The following LHFPL3 variants were observed in gnomAD, a reference collection of about 807,000 sequenced individuals.
LHFPL3 encodes the protein LHFPL tetraspan subfamily member 3 protein.
Under a neutral mutation model 19.3 loss-of-function variants are expected in LHFPL3, and 5 were observed. The observed-to-expected ratio is 0.26, with a 90% CI of 0.14 to 0.54. LHFPL3 has a LOEUF of 0.54. Ranked by LOEUF, LHFPL3 falls within the 20% of genes least tolerant of loss-of-function variation. LHFPL3 has a pLI of 0.94. For missense variants in LHFPL3, 249 were observed against 307.4 expected, an observed-to-expected ratio of 0.81 and a Z score of 1.42; for synonymous variants, 133 against 126.2, an observed-to-expected ratio of 1.05 and a Z score of -0.36.
intron 2 of LHFPL3, among the ~76,000 whole-genome samples, chr7:104,856,299 G>A (rs1791505630): frequency 7.0e-6 from 1 of 143,270 alleles, no homozygotes; most frequent in Non-Finnish European, 1.5e-5. Context: ...CACACAGGCT[G>A]GAGAGCAGTG....
intron 2 of LHFPL3, chr7:104,785,389 A>G (rs554967415): frequency 6.6e-6 from 1 of 152,238 alleles, no homozygotes; most frequent in Admixed American, 6.5e-5. Context: ...CTTAGTAGGC[A>G]CTCAATAAAC....
Position 104,329,282 on chromosome 7 carries a change from G to A in LHFPL3, c.445+58G>A. ...GACCCCGGGGCGCCCGAGCCGGGGA[G>A]GGGCCAGAGTGGGAGGGACGGGGGC... On this transcript the variant is annotated intron_variant, in intron 1 of 2. Transcript: ENST00000424859. The A allele has an allele frequency of 1.9e-6, 3 of 1,539,304 alleles. No homozygotes were observed. The East Asian group carries it at 6.8e-5, about 35-fold the overall frequency.
At chr7:104,426,755 G>A (rs1346610576) in intron 1 of LHFPL3, among the ~76,000 whole-genome samples, 1 of 151,888 alleles carries the variant, frequency 6.6e-6, no homozygotes, top group African/African-American at 2.4e-5. Context: ...TTCTTCTTTG[G>A]ACCAACCTCC....
At chr7:104,439,652 T>A (rs923256294) in intron 1 of LHFPL3, among the ~76,000 whole-genome samples, 3 of 152,142 alleles carry the variant, frequency 2.0e-5, no homozygotes, top group East Asian at 1.9e-4. Flanking sequence ...TTCATAATTT[T>A]AAAAAAATGT....
intron 1 of LHFPL3, among the ~76,000 whole-genome samples, chr7:104,725,095 T>C (rs1465670695): frequency 6.6e-6 from 1 of 152,254 alleles, no homozygotes; most frequent in Non-Finnish European, 1.5e-5. Context: ...AAATTTCATT[T>C]AGAAAGTCAT....
At chr7:104,515,444 C>G (rs1418126589) in intron 1 of LHFPL3, among the ~76,000 whole-genome samples, 1 of 152,126 alleles carries the variant, frequency 6.6e-6, no homozygotes, top group Non-Finnish European at 1.5e-5. Context: ...TGCCCCTGTT[C>G]AAAGAACTAA....
chr7:104,563,370 G>A (rs1790053370), intron 1 of LHFPL3, among the ~76,000 whole-genome samples: 1 of 152,310 alleles, frequency 6.6e-6, no homozygotes, highest in Admixed American at 6.5e-5. Flanking sequence ...CCAGGTGCGG[G>A]ATATAATCTC....
chr7:104,508,554 A>G (rs1793746228), intron 1 of LHFPL3, among the ~76,000 whole-genome samples: 1 of 151,576 alleles, frequency 6.6e-6, no homozygotes, highest in Non-Finnish European at 1.5e-5. Flanking sequence ...GCACATGTAT[A>G]CATATGTAAC....
chr7:104,872,555 G>C (rs1160510367), intron 2 of LHFPL3, among the ~76,000 whole-genome samples: 2 of 151,754 alleles, frequency 1.3e-5, no homozygotes, highest in Admixed American at 6.6e-5. Flanking sequence ...TGGGATGGGA[G>C]AATCGCTGGA....
chr7:104,337,205 A>G (rs1440878864), intron 1 of LHFPL3, among the ~76,000 whole-genome samples: 7 of 152,154 alleles, frequency 4.6e-5, no homozygotes, highest in Admixed American at 1.3e-4. Flanking sequence ...CAACAACAAA[A>G]ACAGGCAAAC....
intron 2 of LHFPL3, among the ~76,000 whole-genome samples, chr7:104,743,650 C>A: frequency 6.6e-6 from 1 of 152,140 alleles, no homozygotes. Context: ...TCATTGATCT[C>A]TGCAATAACC....
At chr7:104,614,651 C>CTCTTG in intron 1 of LHFPL3, among the ~76,000 whole-genome samples, 1 of 112,962 alleles carries the variant, frequency 8.9e-6, no homozygotes, top group Non-Finnish European at 1.8e-5. Context: ...CTCTTCTCTT[C>CTCTTG]TCTCCTTCCT....
At chr7:104,430,293 C>T (rs528156233) in intron 1 of LHFPL3, among the ~76,000 whole-genome samples, 1 of 145,524 alleles carries the variant, frequency 6.9e-6, no homozygotes, top group African/African-American at 2.5e-5. Flanking sequence ...GGCAAGGCAC[C>T]TCTTTCTTCT....
intron 1 of LHFPL3, among the ~76,000 whole-genome samples, chr7:104,566,384 C>A (rs1790125695): frequency 6.6e-6 from 1 of 152,106 alleles, no homozygotes; most frequent in Non-Finnish European, 1.5e-5. Context: ...TCCTACACAT[C>A]TCACCCTCAG....
intron 1 of LHFPL3, among the ~76,000 whole-genome samples, chr7:104,603,190 T>C (rs1208777082): frequency 6.7e-6 from 1 of 150,182 alleles, no homozygotes; most frequent in African/African-American, 2.5e-5. Flanking sequence ...TTTCTTCCTT[T>C]CTTTCTTTCT....
intron 1 of LHFPL3, among the ~76,000 whole-genome samples, chr7:104,682,953 A>G (rs1792735749): frequency 6.6e-6 from 1 of 152,196 alleles, no homozygotes; most frequent in East Asian, 1.9e-4. Context: ...TTGTATTTCA[A>G]GCAAAAGTAG....
At chr7:104,447,387 A>G (rs1183569745) in intron 1 of LHFPL3, among the ~76,000 whole-genome samples, 1 of 152,168 alleles carries the variant, frequency 6.6e-6, no homozygotes, top group East Asian at 1.9e-4. Context: ...TACTTTTTCT[A>G]ATTGGTCAAT....
At chr7:104,437,261 T>C (rs761802511) in intron 1 of LHFPL3, among the ~76,000 whole-genome samples, 2 of 152,244 alleles carry the variant, frequency 1.3e-5, no homozygotes, top group Non-Finnish European at 2.9e-5. Context: ...GTGGAGATTC[T>C]ACCAGGTTCT....
chr7:104,676,466 C>A (rs1427057256), intron 1 of LHFPL3, among the ~76,000 whole-genome samples: 2 of 152,146 alleles, frequency 1.3e-5, no homozygotes, highest in Non-Finnish European at 2.9e-5. Context: ...AGCATACAAT[C>A]AGATGTAAAA....
Sources: allele counts gnomAD v4.1 joint callset (sites outside exome capture counted in the v4.1 genomes callset), GRCh38; gene constraint gnomAD v4.1.1; transcripts MANE v1.5; gene names NCBI Gene and HGNC (gene_info 2026-07-23, HGNC 2026-07-21).